HDAC4: variants seen among roughly 807,000 people sequenced by gnomAD.
HDAC4 encodes the protein histone deacetylase 4, also known as histone deacetylase A.
Under a neutral mutation model 135.1 loss-of-function variants are expected in HDAC4, and 16 were observed. That is an observed-to-expected ratio of 0.12 (90% CI 0.08 to 0.18). HDAC4 has a LOEUF of 0.18. Ranked by LOEUF, HDAC4 falls within the 10% of genes least tolerant of loss-of-function variation. The probability of loss-of-function intolerance (pLI) is 1.00; values close to 1 mark genes in which losing one functional copy is unlikely to be tolerated. For missense variants in HDAC4, 1,143 were observed against 1,511.8 expected, an observed-to-expected ratio of 0.76 and a Z score of 4.05; for synonymous variants, 685 against 653.4, an observed-to-expected ratio of 1.05 and a Z score of -0.74.
chr2:239,179,511 G>A (rs1409045403), intron 4 of HDAC4, among the ~76,000 whole-genome samples: 1 of 152,174 alleles, frequency 6.6e-6, no homozygotes, highest in African/African-American at 2.4e-5. Context: ...GATGATCTGA[G>A]GTGGTGGAAG....
chr2:239,379,252 G>C (rs1195311611), intron 1 of HDAC4, among the ~76,000 whole-genome samples: 3 of 152,142 alleles, frequency 2.0e-5, no homozygotes, highest in Non-Finnish European at 2.9e-5. Context: ...GAAGCCAGGT[G>C]ACCAACCCAG....
chr2:239,172,469 T>C (rs1256948688), intron 5 of HDAC4, among the ~76,000 whole-genome samples: 1 of 151,968 alleles, frequency 6.6e-6, no homozygotes, highest in Non-Finnish European at 1.5e-5. Context: ...ACAAAGATTG[T>C]CAAACTACGT....
At chr2:239,362,808 C>G (rs1693943720) in intron 1 of HDAC4, among the ~76,000 whole-genome samples, 1 of 152,126 alleles carries the variant, frequency 6.6e-6, no homozygotes, top group African/African-American at 2.4e-5. Flanking sequence ...AGATCCTAGC[C>G]AGGGCAGTAA....
At position 239,156,777 on chromosome 2, in the gene HDAC4, G is replaced by A; in HGVS notation, c.612-4C>T. 1.9e-6 allele frequency: 3 copies of A among 1,614,152 alleles called. No homozygotes were observed. Among genetic ancestry groups the A allele is most frequent in the East Asian group, 4.5e-5 (2 of 44,876 alleles). ...AAGGGAACTGTGCTGCGTTTTCCTG[G>A]AGAGAAGGCAAAGACAGATGGTTTA... On this transcript the variant is annotated splice_region_variant and splice_polypyrimidine_tract_variant and intron_variant, in intron 6 of 26. Coordinates refer to ENST00000543185, the MANE Select transcript of HDAC4 (RefSeq NM_001378414.1).
rs1692939284 is a variant in HDAC4 at position 239,349,184 on chromosome 2, A to G, written c.22+3494T>C. On this transcript the variant is annotated intron_variant, in intron 2 of 26. Coordinates refer to ENST00000543185, the MANE Select transcript of HDAC4 (RefSeq NM_001378414.1). The surrounding 1 kb of genome is among the most constrained non-coding windows in gnomAD (Gnocchi z 5.7). ...AGGGTGAGCCAGGCAGGCAAGAGTG[A>G]GCCGGGTGGGCAGGGCGAAGGACAG... Among the ~76,000 whole-genome samples the G allele has an allele frequency of 6.6e-6, 1 of 152,144 alleles. No homozygotes were observed. The highest frequency in any genetic ancestry group is 6.5e-5 in the Admixed American group (1 of 15,274).
chr2:239,163,102 T>C (rs2042914570), intron 6 of HDAC4, among the ~76,000 whole-genome samples: 1 of 151,818 alleles, frequency 6.6e-6, no homozygotes, highest in African/African-American at 2.4e-5. Context: ...CCCGAAGGCC[T>C]TCTTTTGCAT....
chr2:239,259,729 T>C (rs1329925229), intron 2 of HDAC4, among the ~76,000 whole-genome samples: 3 of 152,312 alleles, frequency 2.0e-5, no homozygotes, highest in African/African-American at 7.2e-5. Flanking sequence ...CAAAACCTGG[T>C]TGTTTAAAAA....
intron 5 of HDAC4, among the ~76,000 whole-genome samples, chr2:239,171,290 G>GA (rs1400795654): frequency 6.6e-6 from 1 of 151,640 alleles, no homozygotes; most frequent in Admixed American, 6.6e-5. Flanking sequence ...ATAAGATCAA[G>GA]AAAGTCTATG....
chr2:239,089,708 T>G, intron 18 of HDAC4: 1 of 391,718 alleles, frequency 2.6e-6, no homozygotes, highest in Non-Finnish European at 4.6e-6. Flanking sequence ...ATAACTCATG[T>G]AAACAGAAGC....
intron 2 of HDAC4, among the ~76,000 whole-genome samples, chr2:239,289,461 A>T (rs2051335973): frequency 6.6e-6 from 1 of 152,256 alleles, no homozygotes; most frequent in South Asian, 2.1e-4. Flanking sequence ...AGATCAAGGA[A>T]GTCGAGTAAA....
intron 3 of HDAC4, among the ~76,000 whole-genome samples, chr2:239,214,639 G>T (rs1445754206): frequency 2.0e-5 from 3 of 152,254 alleles, no homozygotes; most frequent in Non-Finnish European, 4.4e-5. Flanking sequence ...TGGCAATGCT[G>T]GAGCTGTGAG....
chr2:239,205,015 C>T (rs1031786063), intron 3 of HDAC4, among the ~76,000 whole-genome samples: 3 of 152,190 alleles, frequency 2.0e-5, no homozygotes, highest in Non-Finnish European at 4.4e-5. Context: ...CACCTTCCCC[C>T]GTCCCCGAGC....
At chr2:239,087,642 A>G in intron 18 of HDAC4, 28 bp from the exon 19 acceptor site, 1 of 1,610,842 alleles carries the variant, frequency 6.2e-7, no homozygotes, top group South Asian at 1.1e-5. Flanking sequence ...CAGCCAGGAG[A>G]GAGCAACAAA....
At chr2:239,345,990 T>C (rs1692618673) in intron 2 of HDAC4, among the ~76,000 whole-genome samples, 1 of 138,836 alleles carries the variant, frequency 7.2e-6, no homozygotes, top group Non-Finnish European at 1.5e-5. Flanking sequence ...TACCACCGTC[T>C]CACACACTTG....
chr2:239,102,358 C>T (rs1343939055), intron 16 of HDAC4, among the ~76,000 whole-genome samples: 1 of 152,200 alleles, frequency 6.6e-6, no homozygotes, highest in Non-Finnish European at 1.5e-5. Flanking sequence ...TCAGCCAGAG[C>T]CAAGACACCA....
chr2:239,086,327 TCTGA>T (rs1258811912), intron 19 of HDAC4, among the ~76,000 whole-genome samples: 1 of 138,776 alleles, frequency 7.2e-6, no homozygotes. Context: ...AACACGCGGA[TCTGA>T]CTATCTCGCA....
intron 1 of HDAC4, among the ~76,000 whole-genome samples, chr2:239,376,817 G>C (rs933673704): frequency 6.6e-6 from 1 of 151,978 alleles, no homozygotes; most frequent in Non-Finnish European, 1.5e-5. Flanking sequence ...GCAGGGTCTC[G>C]GTGGAACCAG....
chr2:239,222,332 A>G (rs748252046), intron 3 of HDAC4, among the ~76,000 whole-genome samples: 2 of 152,184 alleles, frequency 1.3e-5, no homozygotes, highest in Non-Finnish European at 1.5e-5. Context: ...CTATCCTTAA[A>G]GCTCTTTAGA....
At chr2:239,103,560 T>G (rs1022166736) in intron 15 of HDAC4, among the ~76,000 whole-genome samples, 2 of 152,242 alleles carry the variant, frequency 1.3e-5, no homozygotes, top group Non-Finnish European at 2.9e-5. Flanking sequence ...ACATTTCACA[T>G]GGAAATGGCT....
Sources: gnomAD v4.1 joint callset for allele counts (sites outside exome capture counted in the v4.1 genomes callset) on GRCh38, gnomAD v4.1.1 for gene constraint, Gnocchi (gnomAD v3.1) non-coding constraint, MANE v1.5 for transcripts, NCBI Gene and HGNC (gene_info 2026-07-23, HGNC 2026-07-21) for gene names.